The following TMEM132D variants were observed in gnomAD, a reference collection of about 807,000 sequenced individuals.
TMEM132D encodes the protein mature OL transmembrane protein.
A neutral mutation model predicts 62.3 loss-of-function variants in TMEM132D; 21 were observed. The observed-to-expected ratio is 0.34, with a 90% CI of 0.24 to 0.49. The LOEUF is 0.49. Ranked by LOEUF, TMEM132D falls within the 20% of genes least tolerant of loss-of-function variation. The pLI is 0.99. For synonymous variants in TMEM132D, 621 were observed against 575.6 expected (o/e 1.08, Z -1.13); for missense variants, 1,346 against 1,402.8 (o/e 0.96, Z 0.65).
chr12:129,654,970 C>T (rs768347582), intron 2 of TMEM132D, among the ~76,000 whole-genome samples: 10 of 151,592 alleles, frequency 6.6e-5, no homozygotes, highest in Non-Finnish European at 1.0e-4. Context: ...CTTTTTGAGA[C>T]GGAGTCTTGC....
intron 4 of TMEM132D, among the ~76,000 whole-genome samples, chr12:129,244,969 T>C (rs1222274229): frequency 6.6e-6 from 1 of 152,152 alleles, no homozygotes; most frequent in Non-Finnish European, 1.5e-5. Flanking sequence ...ACATTAAAGC[T>C]CACAGAATTT....
chr12:129,755,696 A>G (rs1297334291), intron 1 of TMEM132D, among the ~76,000 whole-genome samples: 1 of 152,168 alleles, frequency 6.6e-6, no homozygotes, highest in Admixed American at 6.5e-5. Flanking sequence ...TTGAATCTGG[A>G]AAGATAGGGA....
At chr12:129,223,554 G>A (rs947558280) in intron 4 of TMEM132D, among the ~76,000 whole-genome samples, 3 of 152,110 alleles carry the variant, frequency 2.0e-5, no homozygotes, top group African/African-American at 7.2e-5. Context: ...TAGACCCCCG[G>A]AGCCATATGG....
At chr12:129,343,977 C>T (rs1286022285) in intron 3 of TMEM132D, among the ~76,000 whole-genome samples, 3 of 152,086 alleles carry the variant, frequency 2.0e-5, no homozygotes, top group African/African-American at 4.8e-5. Context: ...TCTTGCAAAA[C>T]ATAGTAATTA....
At position 129,730,602 on chromosome 12, in the gene TMEM132D, G is replaced by A. The variant is rs564443446; in HGVS notation, c.80-29904C>T. Among the ~76,000 whole-genome samples the A allele has an allele frequency of 4.6e-5, 7 of 152,118 alleles. No homozygotes were observed. The South Asian group carries it at 1.5e-3, about 32-fold the overall frequency. On this transcript the variant is annotated intron_variant, in intron 1 of 8. Coordinates refer to ENST00000422113, the MANE Select transcript of TMEM132D (RefSeq NM_133448.3). ...CGTCAACTTGATTGAACTGAAGGAT[G>A]CAAAGTATCGTTCCTGGGTGTGTCC...
chr12:129,641,560 A>C (rs538359622), intron 2 of TMEM132D, among the ~76,000 whole-genome samples: 57 of 152,272 alleles, frequency 3.7e-4, no homozygotes, highest in Non-Finnish European at 6.9e-4. Context: ...CATCTCACAA[A>C]TTTCATGTCA....
chr12:129,602,673 TAC>T (rs1565918933), intron 2 of TMEM132D, among the ~76,000 whole-genome samples: 6 of 152,104 alleles, frequency 3.9e-5, no homozygotes, highest in African/African-American at 1.4e-4. Context: ...GAGAGGCAGG[TAC>T]AGAGATTTCT....
intron 2 of TMEM132D, among the ~76,000 whole-genome samples, chr12:129,537,338 C>T (rs1037178938): frequency 3.9e-5 from 6 of 152,040 alleles, no homozygotes; most frequent in African/African-American, 7.3e-5. Flanking sequence ...TTAGTTGATC[C>T]TCCAATGAAT....
At chr12:129,842,347 G>A (rs1873224633) in intron 1 of TMEM132D, among the ~76,000 whole-genome samples, 1 of 152,116 alleles carries the variant, frequency 6.6e-6, no homozygotes, top group Non-Finnish European at 1.5e-5. Context: ...AGAGATTTCA[G>A]GTGGTTTAAA....
chr12:129,441,525 C>G (rs191075504), intron 3 of TMEM132D, among the ~76,000 whole-genome samples: 165 of 152,300 alleles, frequency 1.1e-3, no homozygotes, highest in African/African-American at 3.9e-3. Context: ...AGAGGAGATA[C>G]AGCCACTGTG....
At chr12:129,883,219 A>C (rs1395543691) in intron 1 of TMEM132D, among the ~76,000 whole-genome samples, 1 of 152,236 alleles carries the variant, frequency 6.6e-6, no homozygotes, top group Non-Finnish European at 1.5e-5. Context: ...ACTCAATTGC[A>C]TATCTATAAA....
intron 2 of TMEM132D, among the ~76,000 whole-genome samples, chr12:129,684,361 C>T (rs1257664762): frequency 1.3e-5 from 2 of 152,012 alleles, no homozygotes; most frequent in East Asian, 3.9e-4. Flanking sequence ...GGCACTTTTC[C>T]TTCCTGCCAT....
intron 5 of TMEM132D, among the ~76,000 whole-genome samples, chr12:129,151,142 AT>A (rs1877058454): frequency 1.3e-5 from 2 of 152,174 alleles, no homozygotes; most frequent in Non-Finnish European, 2.9e-5. Flanking sequence ...AGAGAAGACT[AT>A]CGAAGCCTTT....
At chr12:129,116,516 A>G (rs1164074158) in intron 5 of TMEM132D, among the ~76,000 whole-genome samples, 3 of 152,236 alleles carry the variant, frequency 2.0e-5, no homozygotes, top group African/African-American at 7.2e-5. Flanking sequence ...AAACTAGTAT[A>G]GAAAACATAC....
At chr12:129,515,907 G>A (rs56232712) in intron 3 of TMEM132D, among the ~76,000 whole-genome samples, 2 of 152,226 alleles carry the variant, frequency 1.3e-5, no homozygotes, top group East Asian at 1.9e-4. Context: ...AAATAAATTC[G>A]TTATGCTTTT....
intron 3 of TMEM132D, among the ~76,000 whole-genome samples, chr12:129,464,659 G>A (rs1442207713): frequency 1.3e-5 from 2 of 152,110 alleles, no homozygotes; most frequent in African/African-American, 4.8e-5. Context: ...TAAGGTGTAA[G>A]GAAGGGATCC....
At chr12:129,085,045 A>G (rs1412983139) in intron 5 of TMEM132D, 1 of 422,448 alleles carries the variant, frequency 2.4e-6, no homozygotes, top group African/African-American at 2.0e-5. Context: ...TGTCCCTCAG[A>G]GTTACCCGGG....
chr12:129,440,024 T>G (rs1872895851), intron 3 of TMEM132D, among the ~76,000 whole-genome samples: 1 of 152,142 alleles, frequency 6.6e-6, no homozygotes. Context: ...CATCCCAGAA[T>G]GAAAAAGAGG....
intron 3 of TMEM132D, among the ~76,000 whole-genome samples, chr12:129,526,305 C>G (rs1233723667): frequency 6.6e-6 from 1 of 152,046 alleles, no homozygotes; most frequent in Non-Finnish European, 1.5e-5. Context: ...TTCCTCGAGA[C>G]AAAGTCTTTG....
Sources: gnomAD v4.1 joint callset for allele counts (sites outside exome capture counted in the v4.1 genomes callset) on GRCh38, gnomAD v4.1.1 for gene constraint, MANE v1.5 for transcripts, NCBI Gene and HGNC (gene_info 2026-07-23, HGNC 2026-07-21) for gene names.